Variants in RAMP1 observed in about 807,000 individuals in gnomAD.
The protein encoded by RAMP1 is receptor activity-modifying protein 1.
A neutral mutation model predicts 8.2 loss-of-function variants in RAMP1; 7 were observed. The ratio of observed to expected loss-of-function variants is 0.85; its 90% CI spans 0.49 to 1.60. The LOEUF is 1.60. Among genes scored for constraint, RAMP1 ranks in the 40% most tolerant of loss-of-function variants. The pLI is 0.00. For missense variants in RAMP1, 192 were observed against 202.4 expected (o/e 0.95, Z 0.31); for synonymous variants, 92 against 84.7 (o/e 1.09, Z -0.47).
Position 237,859,861 on chromosome 2 carries a change from C to T in RAMP1, c.52+134C>T, listed in dbSNP as rs2304438. 749 of 846,780 alleles carry T rather than the reference C, an allele frequency of 8.8e-4. 4 individuals are homozygous for T. In the East Asian group the frequency reaches 0.013, roughly 15 times the overall value. The allele number at this position is 846,780 out of a possible 1,614,324, so 52.5% of individuals were successfully genotyped here. On this transcript the variant is annotated intron_variant, in intron 1 of 2. Coordinates refer to ENST00000254661, the MANE Select transcript of RAMP1 (RefSeq NM_005855.4). ...GCGCCGCGGGCGCACAGATCCGCTG[C>T]CCTTGAACGCGGGCCGCCCCGGTTC...
chr2:237,879,373 G>A (rs930452846), intron 2 of RAMP1, among the ~76,000 whole-genome samples: 36 of 152,048 alleles, frequency 2.4e-4, no homozygotes, highest in Non-Finnish European at 4.6e-4. Context: ...TGCAGTGCCA[G>A]AGCACAAAGA....
upstream of RAMP1, chr2:237,858,930 A>G (rs2062104650): frequency 2.0e-5 from 3 of 152,838 alleles, no homozygotes; most frequent in Admixed American, 2.0e-4. This position sits in a 1 kb window ranked among gnomAD's most constrained non-coding sequence, Gnocchi z 4.4. Context: ...ACCTCATCTC[A>G]AGACTCTGTG....
intron 2 of RAMP1, among the ~76,000 whole-genome samples, chr2:237,909,419 G>A (rs1400284715): frequency 1.3e-5 from 2 of 152,180 alleles, no homozygotes; most frequent in African/African-American, 2.4e-5. Flanking sequence ...AGTTATCATG[G>A]AATGGTGACA....
intron 1 of RAMP1, among the ~76,000 whole-genome samples, chr2:237,875,817 G>A (rs1286972615): frequency 1.3e-5 from 2 of 152,108 alleles, no homozygotes; most frequent in Non-Finnish European, 2.9e-5. Flanking sequence ...GGCCTGGAGT[G>A]GTGCTCTGCA....
intron 1 of RAMP1, among the ~76,000 whole-genome samples, chr2:237,875,270 C>G (rs1194728395): frequency 2.6e-5 from 4 of 152,138 alleles, no homozygotes; most frequent in Non-Finnish European, 4.4e-5. Context: ...CACAGCGGGC[C>G]CAGCCAGCCC....
At chr2:237,904,017 G>T (rs956515879) in intron 2 of RAMP1, among the ~76,000 whole-genome samples, 1 of 152,220 alleles carries the variant, frequency 6.6e-6, no homozygotes, top group Admixed American at 6.5e-5. Context: ...GGGTTTACAC[G>T]TGTGAGCCAC....
chr2:237,891,812 A>G (rs1334807502), intron 2 of RAMP1, among the ~76,000 whole-genome samples: 1 of 152,066 alleles, frequency 6.6e-6, no homozygotes, highest in Non-Finnish European at 1.5e-5. Flanking sequence ...GAAGTATTTT[A>G]ATTTTATAAT....
At chr2:237,896,446 G>A (rs1397565762) in intron 2 of RAMP1, among the ~76,000 whole-genome samples, 2 of 152,192 alleles carry the variant, frequency 1.3e-5, no homozygotes, top group Admixed American at 6.5e-5. Context: ...GAGGGAGGCA[G>A]AGGAAGCCAG....
chr2:237,909,470 C>T (rs114309109), intron 2 of RAMP1, among the ~76,000 whole-genome samples: 1,845 of 152,236 alleles, frequency 0.012, 35 homozygotes, highest in African/African-American at 0.041. Flanking sequence ...CATCAGTCCC[C>T]AAGAACAGGC....
At chr2:237,906,970 G>A (rs1359034121) in intron 2 of RAMP1, among the ~76,000 whole-genome samples, 2 of 152,096 alleles carry the variant, frequency 1.3e-5, no homozygotes, top group Non-Finnish European at 2.9e-5. Context: ...TGATCCGCCT[G>A]CCTTGGCCTC....
rs185397515 is a variant in RAMP1 at position 237,876,861 on chromosome 2, G to A, written c.53-363G>A. ...TGCAGCTCCTGGGCTGGGGGGCACA[G>A]CCCAGCCCAGCCCATCCCCAGGTAC... On this transcript the variant is annotated intron_variant, in intron 1 of 2. Transcript: ENST00000254661. 2.6e-4 allele frequency among the ~76,000 whole-genome samples: 39 copies of A among 152,266 alleles called. 1 individual carries two copies. In the East Asian group the frequency reaches 7.6e-3, roughly 30 times the overall value.
At chr2:237,908,165 C>T (rs2062671129) in intron 2 of RAMP1, among the ~76,000 whole-genome samples, 1 of 152,240 alleles carries the variant, frequency 6.6e-6, no homozygotes, top group East Asian at 1.9e-4. Flanking sequence ...CTTTCTCTTG[C>T]CTGCCTGTGC....
intron 2 of RAMP1, among the ~76,000 whole-genome samples, chr2:237,907,404 T>C (rs1435224643): frequency 2.6e-5 from 4 of 152,210 alleles, no homozygotes; most frequent in Non-Finnish European, 5.9e-5. Flanking sequence ...TTTCTTCTGC[T>C]CCATTCCCTC....
In RAMP1 at chr2:237,859,659, C is replaced by T. The variant is rs1289982217; in HGVS notation, c.-17C>T. The T allele has an allele frequency of 2.0e-6, 3 of 1,468,002 alleles. No individual in the cohort carries two copies. Among genetic ancestry groups the T allele is most frequent in the Admixed American group, 2.4e-5 (1 of 41,420 alleles). The allele number at this position is 1,468,002 out of a possible 1,614,324, so 90.9% of individuals were successfully genotyped here. A position where few individuals can be genotyped will look rare whatever the true frequency, so the allele number is the denominator to read the frequency against. On this transcript the variant is annotated 5_prime_UTR_variant, in exon 1 of 3. Coordinates refer to ENST00000254661, the MANE Select transcript of RAMP1 (RefSeq NM_005855.4). ...GGGCGCGTGGCGAGCGGACTCGACT[C>T]GGCACCGCTGTGCACCATGGCCCGG... is the stretch of plus-strand genomic sequence containing the variant.
At chr2:237,883,927 T>A (rs866293086) in intron 2 of RAMP1, among the ~76,000 whole-genome samples, 1 of 145,162 alleles carries the variant, frequency 6.9e-6, no homozygotes, top group Non-Finnish European at 1.5e-5. Flanking sequence ...TTTTTTTTTT[T>A]TTTTTTTTTG....
intron 2 of RAMP1, among the ~76,000 whole-genome samples, chr2:237,881,206 T>C (rs984918201): frequency 6.6e-6 from 1 of 152,258 alleles, no homozygotes; most frequent in Non-Finnish European, 1.5e-5. Flanking sequence ...CTTAACAACA[T>C]AACCTGGAAC....
At position 237,878,475 on chromosome 2, in the gene RAMP1, G is replaced by A. The variant is rs937235249; in HGVS notation, c.191+1113G>A. Among the ~76,000 whole-genome samples, 1 of 152,226 alleles carries A rather than the reference G, an allele frequency of 6.6e-6. No individual in the cohort carries two copies. The highest frequency in any genetic ancestry group is 6.5e-5 in the Admixed American group (1 of 15,290). On this transcript the variant is annotated intron_variant, in intron 2 of 2. Transcript: ENST00000254661. This position sits in a 1 kb window ranked among gnomAD's most constrained non-coding sequence, Gnocchi z 5.7. ...CCTCCCCTGTGGGTTGCAGGCTGGC[G>A]TGAGCACAGGGAGAAAGCCCACGGC...
chr2:237,905,877 G>A (rs2062646095), intron 2 of RAMP1, among the ~76,000 whole-genome samples: 3 of 152,042 alleles, frequency 2.0e-5, no homozygotes, highest in African/African-American at 7.2e-5. Context: ...CAGGCATGGT[G>A]GACCATGTCT....
At chr2:237,902,653 C>T (rs1307612874) in intron 2 of RAMP1, among the ~76,000 whole-genome samples, 1 of 152,126 alleles carries the variant, frequency 6.6e-6, no homozygotes, top group Non-Finnish European at 1.5e-5. Context: ...TCCCTGTCTG[C>T]CCTGCACGCC....
Sources: gnomAD v4.1 joint callset for allele counts (sites outside exome capture counted in the v4.1 genomes callset) on GRCh38, gnomAD v4.1.1 for gene constraint, Gnocchi (gnomAD v3.1) non-coding constraint, MANE v1.5 for transcripts, NCBI Gene and HGNC (gene_info 2026-07-23, HGNC 2026-07-21) for gene names.